The following LINGO2 variants were observed in gnomAD, a reference collection of about 807,000 sequenced individuals.
The protein encoded by LINGO2 is leucine-rich repeat and immunoglobulin-like domain-containing nogo receptor-interacting protein 2.
A neutral mutation model predicts 30.6 loss-of-function variants in LINGO2; 14 were observed. The ratio of observed to expected loss-of-function variants is 0.46; its 90% CI spans 0.30 to 0.72. LINGO2 has a LOEUF of 0.72. Ranked by LOEUF, LINGO2 falls within the 30% of genes least tolerant of loss-of-function variation. The pLI, the probability that LINGO2 is intolerant of heterozygous loss-of-function variation, is 0.07. For missense variants in LINGO2, 729 were observed against 751.7 expected (o/e 0.97, Z 0.35); for synonymous variants, 317 against 288.5 (o/e 1.10, Z -1.00).
the LINGO2 span, among the ~76,000 whole-genome samples, chr9:28,900,345 G>A: frequency 6.6e-6 from 1 of 152,122 alleles, no homozygotes; most frequent in Non-Finnish European, 1.5e-5. Flanking sequence ...TTATCTCAGG[G>A]TCTATTTAGA....
At chr9:28,590,641 T>G (rs1455305284) in intron 1 of LINGO2, among the ~76,000 whole-genome samples, 2 of 152,060 alleles carry the variant, frequency 1.3e-5, no homozygotes, top group African/African-American at 4.8e-5. Context: ...TGGCGATCAT[T>G]AAAAAGTCAG....
chr9:29,176,829 G>T, the LINGO2 span, among the ~76,000 whole-genome samples: 1 of 152,178 alleles, frequency 6.6e-6, no homozygotes, highest in Non-Finnish European at 1.5e-5. Flanking sequence ...AGACTGACAA[G>T]AACCAGCAGC....
chr9:29,198,035 C>CTG, the LINGO2 span, among the ~76,000 whole-genome samples: 1 of 152,074 alleles, frequency 6.6e-6, no homozygotes, highest in Non-Finnish European at 1.5e-5. Flanking sequence ...ATAAATCATA[C>CTG]TGTAATTCCT....
chr9:28,688,536 A>G, the LINGO2 span, among the ~76,000 whole-genome samples: 4 of 152,180 alleles, frequency 2.6e-5, no homozygotes, highest in Non-Finnish European at 5.9e-5. Context: ...ACTTCAGGTG[A>G]CATGGTTCCT....
downstream of LINGO2, chr9:27,948,009 G>A (rs1823434659): frequency 4.6e-5 from 7 of 152,164 alleles, no homozygotes; most frequent in South Asian, 1.4e-3. Context: ...ACCTTCTGGA[G>A]AAACCAAGGG....
intron 4 of LINGO2, among the ~76,000 whole-genome samples, chr9:28,125,669 C>T (rs528412120): frequency 2.0e-5 from 3 of 152,094 alleles, no homozygotes; most frequent in South Asian, 2.1e-4. Flanking sequence ...TTTCCAAGAC[C>T]AGAACTCAGG....
chr9:28,241,300 GAA>G (rs112561477), intron 4 of LINGO2, among the ~76,000 whole-genome samples: 94,536 of 122,358 alleles, frequency 0.77, 36,705 homozygotes, highest in African/African-American at 0.85. Context: ...AAAGAAAAAA[GAA>G]AAAAAAAATC....
At chr9:29,143,394 C>T in the LINGO2 span, among the ~76,000 whole-genome samples, 1 of 152,110 alleles carries the variant, frequency 6.6e-6, no homozygotes. Context: ...AGGCCTGACA[C>T]TTTCTGACTT....
chr9:28,892,777 G>C, the LINGO2 span, among the ~76,000 whole-genome samples: 2 of 151,872 alleles, frequency 1.3e-5, no homozygotes, highest in African/African-American at 2.4e-5. Context: ...ACACAATACT[G>C]TTCCTTAAAT....
intron 4 of LINGO2, among the ~76,000 whole-genome samples, chr9:28,041,279 C>A (rs1481101454): frequency 2.6e-5 from 4 of 152,084 alleles, no homozygotes; most frequent in Admixed American, 2.6e-4. Context: ...GGACCAGGGT[C>A]CAGATCAACG....
intron 1 of LINGO2, among the ~76,000 whole-genome samples, chr9:28,555,122 C>T (rs1400505265): frequency 7.7e-6 from 1 of 129,228 alleles, no homozygotes; most frequent in Non-Finnish European, 1.6e-5. Flanking sequence ...CAAAAGCTAG[C>T]AGAAGGCAAG....
chr9:28,228,870 C>T (rs1371064495), intron 4 of LINGO2, among the ~76,000 whole-genome samples: 2 of 151,622 alleles, frequency 1.3e-5, no homozygotes, highest in Admixed American at 6.6e-5. Flanking sequence ...CTTATTTTTA[C>T]ATAATGAGAT....
chr9:28,719,355 G>A, the LINGO2 span, among the ~76,000 whole-genome samples: 6 of 151,934 alleles, frequency 3.9e-5, no homozygotes, highest in African/African-American at 1.2e-4. Context: ...TGTGCTGACT[G>A]CTTTGAACAT....
the LINGO2 span, among the ~76,000 whole-genome samples, chr9:28,813,317 G>T: frequency 4.6e-5 from 7 of 152,170 alleles, no homozygotes; most frequent in East Asian, 1.4e-3. Flanking sequence ...TGTACTTAAC[G>T]TTTAATTCAT....
chr9:27,967,978 T>C (rs1218028165), intron 5 of LINGO2, among the ~76,000 whole-genome samples: 1 of 152,194 alleles, frequency 6.6e-6, no homozygotes, highest in African/African-American at 2.4e-5. Flanking sequence ...CCTGTAACTT[T>C]AGCAGATATT....
the LINGO2 span, among the ~76,000 whole-genome samples, chr9:28,847,261 C>T: frequency 4.0e-5 from 6 of 148,212 alleles, no homozygotes; most frequent in African/African-American, 1.5e-4. Flanking sequence ...AAACAGATAT[C>T]TTTATTATCA....
intron 2 of LINGO2, among the ~76,000 whole-genome samples, chr9:28,413,468 T>G (rs993073716): frequency 1.3e-5 from 2 of 152,036 alleles, no homozygotes; most frequent in African/African-American, 4.8e-5. Flanking sequence ...ATATGCGAAC[T>G]CTATAGGCTT....
chr9:28,385,934 C>A (rs7861941), intron 2 of LINGO2, among the ~76,000 whole-genome samples: 104,214 of 151,978 alleles, frequency 0.69, 36,756 homozygotes, highest in Non-Finnish European at 0.76. Context: ...TTCTTACAGA[C>A]CATCATTAAT....
intron 1 of LINGO2, among the ~76,000 whole-genome samples, chr9:28,667,050 T>C (rs903656635): frequency 2.0e-5 from 3 of 152,168 alleles, no homozygotes; most frequent in African/African-American, 2.4e-5. Context: ...CAACGACTTA[T>C]AGAATAATAA....
Sources: gnomAD v4.1 joint callset for allele counts (sites outside exome capture counted in the v4.1 genomes callset) on GRCh38, gnomAD v4.1.1 for gene constraint, MANE v1.5 for transcripts, NCBI Gene and HGNC (gene_info 2026-07-23, HGNC 2026-07-21) for gene names.